FRMPD4: variants seen among roughly 807,000 people sequenced by gnomAD.
The protein encoded by FRMPD4 is FERM and PDZ domain containing 4.
FRMPD4 carries 22 observed loss-of-function variants against 94.1 expected under a neutral mutation model. That is an observed-to-expected ratio of 0.23 (90% CI 0.17 to 0.33). The LOEUF (loss-of-function observed/expected upper bound fraction) is 0.33. Ranked by LOEUF, FRMPD4 falls within the 10% of genes least tolerant of loss-of-function variation. The probability of loss-of-function intolerance (pLI) is 1.00; values close to 1 mark genes in which losing one functional copy is unlikely to be tolerated. For missense variants in FRMPD4, 1,111 were observed against 1,339.9 expected, an observed-to-expected ratio of 0.83 and a Z score of 2.67; for synonymous variants, 631 against 548.6, an observed-to-expected ratio of 1.15 and a Z score of -2.10.
intron 1 of FRMPD4, among the ~76,000 whole-genome samples, chrX:12,177,697 A>C (rs2056311579): frequency 8.9e-6 from 1 of 112,041 alleles, no homozygotes; most frequent in Admixed American, 9.5e-5. Flanking sequence ...CATCCAATCA[A>C]CAAATGTTTA....
At chrX:11,891,499 T>C (rs1183980219) in intron 3 of FRMPD4, among the ~76,000 whole-genome samples, 4 of 112,436 alleles carry the variant, frequency 3.6e-5, no homozygotes, top group Non-Finnish European at 3.8e-5. Flanking sequence ...TCATTCCACA[T>C]TGGAGTAAAG....
chrX:12,367,155 T>C (rs1352570992), intron 1 of FRMPD4, among the ~76,000 whole-genome samples: 1 of 111,910 alleles, frequency 8.9e-6, no homozygotes, highest in Non-Finnish European at 1.9e-5. Flanking sequence ...CATACCTGCC[T>C]AGACTTAGTG....
chrX:11,934,243 G>A (rs1392679447), intron 3 of FRMPD4, among the ~76,000 whole-genome samples: 1 of 112,303 alleles, frequency 8.9e-6, no homozygotes, highest in Non-Finnish European at 1.9e-5. Flanking sequence ...CCTTACTTGA[G>A]TCTCCCTAAC....
At chrX:12,559,401 G>A (rs892517177) in intron 2 of FRMPD4, among the ~76,000 whole-genome samples, 3 of 111,655 alleles carry the variant, frequency 2.7e-5, no homozygotes, top group African/African-American at 9.8e-5. Flanking sequence ...TGTGATTCCT[G>A]CACTTTGGGT....
At chrX:12,711,697 G>A (rs1490835463) in intron 14 of FRMPD4, among the ~76,000 whole-genome samples, 1 of 110,613 alleles carries the variant, frequency 9.0e-6, no homozygotes, top group East Asian at 2.8e-4. Flanking sequence ...TCTTTTAAAA[G>A]AAAGGGGAAT....
chrX:12,285,039 C>T (rs768676621), intron 1 of FRMPD4, among the ~76,000 whole-genome samples: 3 of 111,798 alleles, frequency 2.7e-5, no homozygotes, highest in Non-Finnish European at 5.6e-5. Flanking sequence ...TCAAGTTTGA[C>T]CTTTCATGAA....
intron 3 of FRMPD4, among the ~76,000 whole-genome samples, chrX:11,968,251 G>C (rs916213477): frequency 2.7e-5 from 3 of 111,692 alleles, no homozygotes; most frequent in Non-Finnish European, 5.6e-5. Flanking sequence ...TATGTGTCAT[G>C]CACTGTGCTA....
intron 1 of FRMPD4, among the ~76,000 whole-genome samples, chrX:12,395,603 T>TTTGACTTGC (rs1217114048): frequency 8.9e-6 from 1 of 112,185 alleles, no homozygotes; most frequent in Non-Finnish European, 1.9e-5. Flanking sequence ...GAGCCCTTTC[T>TTTGACTTGC]TTGACTTGCT....
chrX:12,319,137 G>C (rs1421876504), intron 1 of FRMPD4, among the ~76,000 whole-genome samples: 1 of 111,460 alleles, frequency 9.0e-6, no homozygotes, highest in Non-Finnish European at 1.9e-5. Flanking sequence ...AGGCTGCAAA[G>C]ACAGAGTTGA....
At chrX:12,680,136 A>G (rs2059953008) in intron 5 of FRMPD4, among the ~76,000 whole-genome samples, 2 of 112,448 alleles carry the variant, frequency 1.8e-5, no homozygotes, top group Non-Finnish European at 3.7e-5. Flanking sequence ...AGTAACTTCT[A>G]AGAGCATTCA....
At chrX:12,583,544 C>G in intron 2 of FRMPD4, 1 of 925,113 alleles carries the variant, frequency 1.1e-6, no homozygotes, top group Non-Finnish European at 1.5e-6. Flanking sequence ...TCCTCATAAC[C>G]AAAACCACGC....
chrX:12,014,429 A>G (rs2054595220), intron 3 of FRMPD4, among the ~76,000 whole-genome samples: 1 of 111,861 alleles, frequency 8.9e-6, no homozygotes, highest in African/African-American at 3.2e-5. Context: ...TCTTATTTTT[A>G]ATGCTACATT....
At chrX:12,512,543 G>A (rs1373239659) in intron 2 of FRMPD4, among the ~76,000 whole-genome samples, 2 of 112,769 alleles carry the variant, frequency 1.8e-5, no homozygotes, top group East Asian at 5.5e-4. Flanking sequence ...CCCTGCAAAG[G>A]ACAAGATCTC....
At chrX:11,899,614 C>T (rs1250648133) in intron 3 of FRMPD4, among the ~76,000 whole-genome samples, 1 of 111,619 alleles carries the variant, frequency 9.0e-6, no homozygotes. Flanking sequence ...TATAAGGACA[C>T]ATTCATTTAA....
At position 12,540,994 on chromosome X, in the gene FRMPD4, A is replaced by G. The variant is rs780851218; in HGVS notation, c.158+42198A>G. Among the ~76,000 whole-genome samples the G allele has an allele frequency of 3.2e-3, 358 of 111,907 alleles. 2 individuals are homozygous for G. Among genetic ancestry groups the G allele is most frequent in the African/African-American group, 0.011 (346 of 30,869 alleles). On this transcript the variant is annotated intron_variant, in intron 2 of 16. Coordinates refer to ENST00000675598, the MANE Select transcript of FRMPD4 (RefSeq NM_001368397.1). ...CAACCTGCTCCTGAATGACTACTGGATACATAACAAAATGAAGGCAGAAAT... is the reference window on the plus strand; with the variant it reads ...CAACCTGCTCCTGAATGACTACTGGGTACATAACAAAATGAAGGCAGAAAT...
chrX:12,514,283 C>T (rs1179703807), intron 2 of FRMPD4, among the ~76,000 whole-genome samples: 2 of 111,301 alleles, frequency 1.8e-5, no homozygotes, highest in Non-Finnish European at 3.8e-5. Context: ...AGAGGGCATC[C>T]TTGTCTTGTG....
intron 3 of FRMPD4, among the ~76,000 whole-genome samples, chrX:12,061,248 T>G (rs1286981012): frequency 9.0e-6 from 1 of 111,686 alleles, no homozygotes; most frequent in Non-Finnish European, 1.9e-5. Flanking sequence ...TTGTGCAGAC[T>G]TGGGTGAGTG....
intron 1 of FRMPD4, among the ~76,000 whole-genome samples, chrX:12,302,882 C>G (rs2054881641): frequency 1.8e-5 from 2 of 112,014 alleles, no homozygotes; most frequent in African/African-American, 6.5e-5. Flanking sequence ...AATTTTCCAT[C>G]ACAACTTATA....
intron 1 of FRMPD4, among the ~76,000 whole-genome samples, chrX:12,155,581 CAAAAAAAAAAA>C (rs60727413): frequency 1.4e-4 from 3 of 21,912 alleles, no homozygotes; most frequent in African/African-American, 2.7e-4. Flanking sequence ...CATATCCTCA[CAAAAAAAAAAA>C]AAAAAAAAAA....
Sources: gnomAD v4.1 joint callset for allele counts (sites outside exome capture counted in the v4.1 genomes callset) on GRCh38, gnomAD v4.1.1 for gene constraint, MANE v1.5 for transcripts, NCBI Gene and HGNC (gene_info 2026-07-23, HGNC 2026-07-21) for gene names.